KIAA1328: variants seen among roughly 807,000 people sequenced by gnomAD.
KIAA1328 encodes the protein KIAA1328, also known as protein hinderin.
In KIAA1328, 52 loss-of-function variants were observed where a neutral mutation model predicts 68.1. The observed-to-expected ratio is 0.76, with a 90% CI of 0.61 to 0.96. KIAA1328 has a LOEUF of 0.96. Ranked by LOEUF, KIAA1328 falls within the 40% of genes least tolerant of loss-of-function variation. The pLI is 0.00. For synonymous variants in KIAA1328, 232 were observed against 239.4 expected, an observed-to-expected ratio of 0.97 and a Z score of 0.28; for missense variants, 641 against 677.6, an observed-to-expected ratio of 0.95 and a Z score of 0.60.
intron 4 of KIAA1328, among the ~76,000 whole-genome samples, chr18:36,872,049 G>A (rs2047963282): frequency 6.6e-6 from 1 of 152,108 alleles, no homozygotes; most frequent in South Asian, 2.1e-4. Context: ...AAAGTTCCTG[G>A]GTCCTTCTCC....
intron 6 of KIAA1328, among the ~76,000 whole-genome samples, chr18:37,062,808 G>A (rs1247415423): frequency 6.6e-6 from 1 of 152,098 alleles, no homozygotes; most frequent in Non-Finnish European, 1.5e-5. Flanking sequence ...GAGTAAAACT[G>A]GTGTTTTACT....
At chr18:37,139,196 C>T (rs1237788935) in intron 7 of KIAA1328, among the ~76,000 whole-genome samples, 2 of 151,948 alleles carry the variant, frequency 1.3e-5, no homozygotes, top group Non-Finnish European at 2.9e-5. Flanking sequence ...ATCTCCTGAC[C>T]TCGTGATCTG....
At chr18:36,895,805 C>T (rs1481289760) in intron 5 of KIAA1328, 5 of 455,772 alleles carry the variant, frequency 1.1e-5, no homozygotes, top group South Asian at 7.8e-5. Flanking sequence ...ACTGGTAGAG[C>T]CCTAATCCAA....
At chr18:37,174,380 CTTTTTTT>C (rs757197220) in intron 9 of KIAA1328, among the ~76,000 whole-genome samples, 1 of 120,622 alleles carries the variant, frequency 8.3e-6, no homozygotes, top group Admixed American at 9.4e-5. Flanking sequence ...TGCTTTCTTC[CTTTTTTT>C]TTTTTTTTTT....
At chr18:37,110,359 AT>A (rs2057896710) in intron 7 of KIAA1328, among the ~76,000 whole-genome samples, 1 of 152,236 alleles carries the variant, frequency 6.6e-6, no homozygotes, top group South Asian at 2.1e-4. Flanking sequence ...AGCCAAAAGT[AT>A]TTTATCAAAG....
intron 7 of KIAA1328, among the ~76,000 whole-genome samples, chr18:37,107,740 A>G (rs1244634481): frequency 6.6e-6 from 1 of 152,218 alleles, no homozygotes; most frequent in Non-Finnish European, 1.5e-5. Flanking sequence ...AAAGCTGCTC[A>G]TCAATTCTAG....
intron 4 of KIAA1328, among the ~76,000 whole-genome samples, chr18:36,846,138 C>G (rs1435683179): frequency 1.3e-5 from 2 of 151,490 alleles, no homozygotes; most frequent in African/African-American, 4.8e-5. Context: ...GTTTTCTTTG[C>G]TTTCTTATTT....
chr18:36,915,037 G>A (rs1338549216), intron 5 of KIAA1328, among the ~76,000 whole-genome samples: 4 of 152,190 alleles, frequency 2.6e-5, no homozygotes, highest in Non-Finnish European at 5.9e-5. Context: ...TTCACAAGAT[G>A]ATTCTAAAAT....
chr18:36,988,770 G>A (rs1416353948), intron 6 of KIAA1328, among the ~76,000 whole-genome samples: 1 of 152,092 alleles, frequency 6.6e-6, no homozygotes, highest in Non-Finnish European at 1.5e-5. Flanking sequence ...ACAACTTACT[G>A]TTACCTATAC....
chr18:37,143,686 T>C (rs1406344148), intron 7 of KIAA1328, among the ~76,000 whole-genome samples: 1 of 152,084 alleles, frequency 6.6e-6, no homozygotes, highest in Non-Finnish European at 1.5e-5. Flanking sequence ...GTAGCTGTCC[T>C]CTATAAAATT....
At chr18:36,959,654 G>A (rs1399273983) in intron 6 of KIAA1328, among the ~76,000 whole-genome samples, 2 of 152,088 alleles carry the variant, frequency 1.3e-5, no homozygotes, top group Non-Finnish European at 2.9e-5. Flanking sequence ...CAGTCTGTGT[G>A]GGTCAGTGGG....
At chr18:36,844,460 A>C (rs556509394) in intron 4 of KIAA1328, among the ~76,000 whole-genome samples, 158 bp downstream of exon 4, 44 of 152,124 alleles carry the variant, frequency 2.9e-4, no homozygotes, top group African/African-American at 1.0e-3. Flanking sequence ...AATCCTCTCA[A>C]AAAGCTTAAA....
chr18:36,989,558 A>G (rs1324278694), intron 6 of KIAA1328, among the ~76,000 whole-genome samples: 1 of 152,200 alleles, frequency 6.6e-6, no homozygotes, highest in Non-Finnish European at 1.5e-5. Context: ...GTTTCTTTAA[A>G]TCATTAAGAA....
chr18:36,877,757 C>G (rs962035469), intron 4 of KIAA1328, among the ~76,000 whole-genome samples: 1 of 150,428 alleles, frequency 6.6e-6, no homozygotes, highest in African/African-American at 2.5e-5. Context: ...AGCTGTGCCT[C>G]CCAGGTTCAG....
chr18:36,885,854 T>G lies in KIAA1328; in HGVS notation c.448+182T>G, dbSNP rs147264252. 945 of 524,728 alleles carry G rather than the reference T, an allele frequency of 1.8e-3. 6 individuals are homozygous for G. Among genetic ancestry groups the G allele is most frequent in the African/African-American group, 0.016 (805 of 49,756 alleles). 32.5% of individuals were successfully genotyped at this position (524,728 alleles called of 1,614,324 possible). On this transcript the variant is annotated intron_variant, in intron 5 of 9. Transcript: ENST00000280020. Reference sequence around the variant, plus strand: ...ACCTCAGCCTCCCGAGTAGCTGGGATTACAGGCACCCACCACCAGGCCCAG... The same window carrying G: ...ACCTCAGCCTCCCGAGTAGCTGGGAGTACAGGCACCCACCACCAGGCCCAG...
At chr18:37,161,410 T>C (rs989549771) in intron 8 of KIAA1328, among the ~76,000 whole-genome samples, 13 of 152,200 alleles carry the variant, frequency 8.5e-5, no homozygotes, top group Non-Finnish European at 1.3e-4. Context: ...AATTGAGAAA[T>C]GATAATTAGT....
At chr18:37,049,481 A>G (rs561472834) in intron 6 of KIAA1328, among the ~76,000 whole-genome samples, 2 of 152,270 alleles carry the variant, frequency 1.3e-5, no homozygotes, top group Admixed American at 1.3e-4. Context: ...AATAAACAAT[A>G]CTCTAAATTT....
At chr18:37,196,021 G>T (rs2059997418) in intron 9 of KIAA1328, among the ~76,000 whole-genome samples, 2 of 151,282 alleles carry the variant, frequency 1.3e-5, no homozygotes, top group African/African-American at 4.9e-5. Flanking sequence ...TTCTTTTTTT[G>T]GTTAAATTTA....
chr18:37,006,263 G>GT (rs887603532), intron 6 of KIAA1328, among the ~76,000 whole-genome samples: 213 of 150,984 alleles, frequency 1.4e-3, no homozygotes, highest in African/African-American at 4.2e-3. Context: ...AAACATATGG[G>GT]TTTTTTTTTC....
Sources: allele counts gnomAD v4.1 joint callset (sites outside exome capture counted in the v4.1 genomes callset), GRCh38; gene constraint gnomAD v4.1.1; transcripts MANE v1.5; gene names NCBI Gene and HGNC (gene_info 2026-07-23, HGNC 2026-07-21).